UGGT2: variants seen among roughly 807,000 people sequenced by gnomAD.
UGGT2 encodes the protein UDP-glucose glycoprotein glucosyltransferase 2.
In UGGT2, 180 loss-of-function variants were observed where a neutral mutation model predicts 192.1. The ratio of observed to expected loss-of-function variants is 0.94; its 90% CI spans 0.83 to 1.06. The LOEUF (loss-of-function observed/expected upper bound fraction) is 1.06. Ranked by LOEUF, UGGT2 falls within the 50% of genes least tolerant of loss-of-function variation. The pLI is 0.00. For missense variants in UGGT2, 1,849 were observed against 1,795.7 expected, an observed-to-expected ratio of 1.03 and a Z score of -0.54; for synonymous variants, 580 against 591.0, an observed-to-expected ratio of 0.98 and a Z score of 0.27.
intron 24 of UGGT2, among the ~76,000 whole-genome samples, chr13:95,893,970 T>C (rs2047877016): frequency 6.6e-6 from 1 of 152,164 alleles, no homozygotes; most frequent in Non-Finnish European, 1.5e-5. Context: ...GAATGTTTCT[T>C]GCTTGGGCGG....
At chr13:95,999,882 AC>A (rs1433324160) in intron 5 of UGGT2, among the ~76,000 whole-genome samples, 4 of 152,244 alleles carry the variant, frequency 2.6e-5, no homozygotes, top group Admixed American at 2.0e-4. Flanking sequence ...ATAAGGGGCT[AC>A]AGTTCACTAA....
At chr13:95,912,265 G>C (rs2048525311) in intron 20 of UGGT2, among the ~76,000 whole-genome samples, 1 of 152,096 alleles carries the variant, frequency 6.6e-6, no homozygotes, top group African/African-American at 2.4e-5. Context: ...AGAAATAAAG[G>C]GTGTTCAATT....
chr13:95,863,340 G>T, intron 31 of UGGT2: 1 of 248,506 alleles, frequency 4.0e-6, no homozygotes, highest in African/African-American at 2.2e-5. Flanking sequence ...AATCCTGTCT[G>T]TCCTTTAAAA....
rs754053221 is a variant in UGGT2 at position 95,983,788 on chromosome 13, A to C, written c.1092+16T>G. The stretch of plus-strand genomic sequence containing the variant: ...ATTAGTTGGGTAAATGTTTTAAAAA[A>C]GGAATTCAAACAAACCTTTTGATTT... On this transcript the variant is annotated intron_variant, in intron 10 of 38. Transcript: ENST00000376747. The C allele has an allele frequency of 1.3e-6, 2 of 1,512,856 alleles. No individual in the cohort carries two copies. Among genetic ancestry groups the C allele is most frequent in the Non-Finnish European group, 1.8e-6 (2 of 1,115,310 alleles). The allele number at this position is 1,512,856 out of a possible 1,614,324, so 93.7% of individuals were successfully genotyped here. A position where few individuals can be genotyped will look rare whatever the true frequency, so the allele number is the denominator to read the frequency against.
At chr13:95,808,602 C>T (rs1884429674) in intron 38 of UGGT2, among the ~76,000 whole-genome samples, 1 of 152,020 alleles carries the variant, frequency 6.6e-6, no homozygotes, top group Non-Finnish European at 1.5e-5. Context: ...TCTAAAAAGC[C>T]ATGTATTGCA....
chr13:95,900,945 C>T lies in UGGT2; in HGVS notation c.2503-7G>A. ...AAGCATTCTTATCCATCCCCTAAAG[C>T]AAAAGTTAAGACTGATGAAACTAAT... On this transcript the variant is annotated splice_polypyrimidine_tract_variant and splice_region_variant and intron_variant, in intron 21 of 38. Transcript: ENST00000376747. 6.4e-7 allele frequency: 1 copy of T among 1,574,268 alleles called. No individual in the cohort carries two copies. The highest frequency in any genetic ancestry group is 8.6e-7 in the Non-Finnish European group (1 of 1,164,636).
chr13:95,905,656 A>G (rs1221910098), intron 20 of UGGT2, among the ~76,000 whole-genome samples: 1 of 151,986 alleles, frequency 6.6e-6, no homozygotes, highest in Non-Finnish European at 1.5e-5. Context: ...ATTGATCTAT[A>G]TCTCTGTTTT....
chr13:95,898,795 C>A (rs2048021021), intron 22 of UGGT2, among the ~76,000 whole-genome samples: 1 of 152,176 alleles, frequency 6.6e-6, no homozygotes, highest in Non-Finnish European at 1.5e-5. Flanking sequence ...GAGGATGCAG[C>A]AAGAAAGCTC....
At chr13:95,850,996 G>A (rs1888980249) in intron 36 of UGGT2, among the ~76,000 whole-genome samples, 1 of 152,250 alleles carries the variant, frequency 6.6e-6, no homozygotes, top group African/African-American at 2.4e-5. Flanking sequence ...TGAAAACTAT[G>A]AAGGACCATC....
At chr13:95,835,494 A>C (rs1450535737) in intron 37 of UGGT2, among the ~76,000 whole-genome samples, 2 of 152,162 alleles carry the variant, frequency 1.3e-5, no homozygotes, top group African/African-American at 4.8e-5. Flanking sequence ...ACCTCTTAAA[A>C]ATGCCTTTTT....
intron 17 of UGGT2, among the ~76,000 whole-genome samples, chr13:95,928,819 G>A (rs186012192): frequency 0.013 from 1,975 of 152,274 alleles, 41 homozygotes; most frequent in African/African-American, 0.046. Flanking sequence ...CTGCAATCTC[G>A]GCACTTTGGG....
intron 31 of UGGT2, 102 bp from the exon 32 acceptor site, chr13:95,860,985 A>G: frequency 1.8e-6 from 1 of 546,108 alleles, no homozygotes; most frequent in Non-Finnish European, 3.0e-6. Context: ...GTATTTCAAA[A>G]TAGTTAAGCT....
At chr13:96,005,206 A>AT (rs1195640871) in intron 5 of UGGT2, among the ~76,000 whole-genome samples, 1 of 152,222 alleles carries the variant, frequency 6.6e-6, no homozygotes, top group East Asian at 1.9e-4. Context: ...AACGAGAATG[A>AT]TAACAGAAGA....
At chr13:96,015,751 T>C (rs1181876971) in intron 4 of UGGT2, among the ~76,000 whole-genome samples, 1 of 152,244 alleles carries the variant, frequency 6.6e-6, no homozygotes, top group Non-Finnish European at 1.5e-5. Flanking sequence ...CTAGAGATTT[T>C]AGTTCTAGAA....
chr13:95,892,738 T>C (rs935449118), intron 24 of UGGT2, among the ~76,000 whole-genome samples: 5 of 152,174 alleles, frequency 3.3e-5, no homozygotes, highest in Admixed American at 3.3e-4. Flanking sequence ...TTCCTCTGTC[T>C]TCCCTCTTCT....
At chr13:96,009,170 A>G (rs1206210214) in intron 5 of UGGT2, among the ~76,000 whole-genome samples, 1 of 152,188 alleles carries the variant, frequency 6.6e-6, no homozygotes, top group Non-Finnish European at 1.5e-5. Context: ...CTCCTTCATT[A>G]TGCCATATAA....
chr13:95,937,377 G>A (rs193291637), intron 16 of UGGT2, among the ~76,000 whole-genome samples: 5 of 152,236 alleles, frequency 3.3e-5, no homozygotes, highest in Admixed American at 2.0e-4. Context: ...AGTCATAGAC[G>A]ACATATGAAT....
chr13:96,051,619 A>G (rs772135037), intron 1 of UGGT2, among the ~76,000 whole-genome samples: 20 of 151,264 alleles, frequency 1.3e-4, no homozygotes, highest in Non-Finnish European at 1.6e-4. Flanking sequence ...TCCAGAATCT[A>G]CAAGGAACTC....
intron 38 of UGGT2, among the ~76,000 whole-genome samples, chr13:95,818,259 G>A (rs1885119044): frequency 6.6e-6 from 1 of 152,198 alleles, no homozygotes; most frequent in Non-Finnish European, 1.5e-5. Flanking sequence ...GATGCAATGA[G>A]CCATGACTAT....
Sources: allele counts gnomAD v4.1 joint callset (sites outside exome capture counted in the v4.1 genomes callset), GRCh38; gene constraint gnomAD v4.1.1; transcripts MANE v1.5; gene names NCBI Gene and HGNC (gene_info 2026-07-23, HGNC 2026-07-21).